ZNF175: variants seen among roughly 807,000 people sequenced by gnomAD.
The protein encoded by ZNF175 is zinc finger protein OTK18.
In ZNF175, 8 loss-of-function variants were observed where a neutral mutation model predicts 14.0. That is an observed-to-expected ratio of 0.57 (90% CI 0.34 to 1.03). ZNF175 has a LOEUF of 1.03. ZNF175 is among the 50% of genes least tolerant of loss of function. ZNF175 has a pLI of 0.03. For missense variants in ZNF175, 764 were observed against 849.5 expected (o/e 0.90, Z 1.25); for synonymous variants, 255 against 296.8 (o/e 0.86, Z 1.45).
chr19:51,573,501 C>A, intron 2 of ZNF175, 100 bp downstream of exon 2: 1 of 1,186,724 alleles, frequency 8.4e-7, no homozygotes, highest in South Asian at 1.3e-5. Flanking sequence ...TCTTGAGCCT[C>A]CTGTCAAGCG....
At position 51,589,064 on chromosome 19, in the gene ZNF175, G is replaced by T; in HGVS notation, c.*597G>T. On this transcript the variant is annotated 3_prime_UTR_variant, in exon 5 of 5. Transcript: ENST00000262259. ...TATTTGCATTATATTTATTGGTTGA[G>T]CATCCCTAATCTGAAAATCCAAGAT... 4.4e-6 allele frequency: 1 copy of T among 227,872 alleles called. No individual in the cohort carries two copies. The highest frequency in any genetic ancestry group is 2.2e-5 in the African/African-American group (1 of 44,774). The allele number at this position is 227,872 out of a possible 1,614,324, so 14.1% of individuals were successfully genotyped here.
intron 3 of ZNF175, 54 bp downstream of exon 3, chr19:51,581,571 T>G (rs1982004294): frequency 1.9e-6 from 3 of 1,580,432 alleles, no homozygotes; most frequent in Non-Finnish European, 2.6e-6. Flanking sequence ...GAGATTTCCT[T>G]CCTCCTCATT....
chr19:51,588,403 C>G lies in ZNF175; in HGVS notation c.2072C>G (p.Thr691Arg), dbSNP rs765324309. 1 of 1,601,948 alleles carries G rather than the reference C, an allele frequency of 6.2e-7. No individual in the cohort carries two copies. Among genetic ancestry groups the G allele is most frequent in the South Asian group, 1.1e-5 (1 of 88,632 alleles). Residue 691 changes from threonine to arginine, a missense_variant, in exon 5 of 5, where the codon ACA becomes AGA. Physicochemically the swap from Thr to Arg is moderately conservative, Grantham distance 71. Transcript: ENST00000262259. ...NNRSNFNKHQ[T>R]THTRDKSYKC... ...AGGTCAAACTTCAATAAACACCAAA[C>G]AACTCATACCAGAGACAAATCTTAC...
chr19:51,579,431 T>A (rs4802814), intron 2 of ZNF175, among the ~76,000 whole-genome samples: 22,344 of 146,546 alleles, frequency 0.15, 1,847 homozygotes, highest in Middle Eastern at 0.23. Context: ...CCAAAAAAAA[T>A]TTTTTTTTTT....
intron 2 of ZNF175, among the ~76,000 whole-genome samples, chr19:51,580,403 T>C (rs901008545): frequency 1.3e-5 from 2 of 152,224 alleles, no homozygotes; most frequent in South Asian, 4.1e-4. Flanking sequence ...CCCATCAGTC[T>C]TTCATATGGT....
chr19:51,585,079 C>T (rs1982123600), intron 4 of ZNF175, among the ~76,000 whole-genome samples: 1 of 152,184 alleles, frequency 6.6e-6, no homozygotes, highest in East Asian at 1.9e-4. Flanking sequence ...TGGAATTGTC[C>T]ATTGACCAAT....
Position 51,589,896 on chromosome 19 carries a change from T to A in ZNF175, c.*1429T>A, listed in dbSNP as rs74520240. 5 of 308,998 alleles carry A rather than the reference T, an allele frequency of 1.6e-5. No individual in the cohort carries two copies. The highest frequency in any genetic ancestry group is 9.7e-4 in the Middle Eastern group (1 of 1,030). 19.1% of individuals were successfully genotyped at this position (308,998 alleles called of 1,614,324 possible). A position where few individuals can be genotyped will look rare whatever the true frequency, so the allele number is the denominator to read the frequency against. Reference sequence around the variant, plus strand: ...TGATACACACACAAACACACACACATACACACATATTACTATGTTCATCAT... The same window carrying A: ...TGATACACACACAAACACACACACAAACACACATATTACTATGTTCATCAT... On this transcript the variant is annotated 3_prime_UTR_variant, in exon 5 of 5. Coordinates refer to ENST00000262259, the MANE Select transcript of ZNF175 (RefSeq NM_007147.4).
At position 51,588,313 on chromosome 19, in the gene ZNF175, A is replaced by G; in HGVS notation, c.1982A>G (p.His661Arg). 1 of 1,614,214 alleles carries G rather than the reference A, an allele frequency of 6.2e-7. No homozygotes were observed. The highest frequency in any genetic ancestry group is 8.5e-7 in the Non-Finnish European group (1 of 1,180,036). ...AGTAAGAAACCACAACTCAAGGTGCATCAGCGAATTCACACGGGAGAAAGA... is the reference window on the plus strand; with the variant it reads ...AGTAAGAAACCACAACTCAAGGTGCGTCAGCGAATTCACACGGGAGAAAGA... ...SFSKKPQLKV[H>R]QRIHTGERPY... Residue 661 changes from histidine to arginine, a missense_variant, in exon 5 of 5, where the codon CAT becomes CGT. His to Arg is a conservative substitution (Grantham distance 29). Transcript: ENST00000262259.
intron 4 of ZNF175, among the ~76,000 whole-genome samples, chr19:51,586,303 T>C (rs940893222): frequency 3.3e-5 from 5 of 152,168 alleles, no homozygotes; most frequent in African/African-American, 1.2e-4. Context: ...ATTAGCAAAG[T>C]GATCTTGGCC....
At position 51,591,993 on chromosome 19, in the gene ZNF175, C is replaced by T. The variant is rs1001360425; in HGVS notation, c.*3526C>T. 1 of 152,032 alleles carries T rather than the reference C, an allele frequency of 6.6e-6. No individual in the cohort carries two copies. Among genetic ancestry groups the T allele is most frequent in the Non-Finnish European group, 1.5e-5 (1 of 68,014 alleles). The allele number at this position is 152,032 out of a possible 1,614,324, so 9.4% of individuals were successfully genotyped here. ...CCGTGTTGGCCAGGATGGTCTCGAT[C>T]TCCTGACCTCGTGATCCCCCCCCCT... On this transcript the variant is annotated 3_prime_UTR_variant, in exon 5 of 5. Coordinates refer to ENST00000262259, the MANE Select transcript of ZNF175 (RefSeq NM_007147.4).
rs1312598295 is a variant in ZNF175, at chr19:51,590,217, G to A, written c.*1750G>A. 1 of 152,372 alleles carries A rather than the reference G, an allele frequency of 6.6e-6. No homozygotes were observed. Among genetic ancestry groups the A allele is most frequent in the Non-Finnish European group, 1.5e-5 (1 of 68,248 alleles). 9.4% of individuals were successfully genotyped at this position (152,372 alleles called of 1,614,324 possible). ...AGCCAGGTTCCTGCATTTGATTCCTGGCTCCACTCTCTACCCTCTGCATCT... is the reference window on the plus strand; with the variant it reads ...AGCCAGGTTCCTGCATTTGATTCCTAGCTCCACTCTCTACCCTCTGCATCT... On this transcript the variant is annotated 3_prime_UTR_variant, in exon 5 of 5. Coordinates refer to ENST00000262259, the MANE Select transcript of ZNF175 (RefSeq NM_007147.4).
At position 51,587,163 on chromosome 19, in the gene ZNF175, C is replaced by A. The variant is rs1194439875; in HGVS notation, c.832C>A (p.Pro278Thr). 15 of 1,614,004 alleles carry A rather than the reference C, an allele frequency of 9.3e-6. No homozygotes were observed. Among genetic ancestry groups the A allele is most frequent in the African/African-American group, 1.3e-5 (1 of 74,920 alleles). The change falls in exon 5 of 5, where the codon CCA becomes ACA. Residue 278 changes from proline to threonine, a missense_variant. Pro to Thr is a conservative substitution (Grantham distance 38). Transcript: ENST00000262259. ...KQHQIHTQKKPDGCSECGGSF... is the reference protein window; with the variant it reads ...KQHQIHTQKKTDGCSECGGSF... ...ACATCAAATTCATACTCAGAAGAAA[C>A]CAGATGGATGTTCTGAATGTGGGGG...
intron 2 of ZNF175, 106 bp from the exon 3 acceptor site, chr19:51,581,285 T>A: frequency 6.5e-7 from 1 of 1,532,884 alleles, no homozygotes; most frequent in East Asian, 2.3e-5. Flanking sequence ...GAAGCCTCTG[T>A]GATGGATCGT....
At position 51,588,168 on chromosome 19, in the gene ZNF175, A is replaced by G; in HGVS notation, c.1837A>G (p.Arg613Gly). The G allele has an allele frequency of 2.5e-6, 4 of 1,614,200 alleles. No individual in the cohort carries two copies. Among genetic ancestry groups the G allele is most frequent in the Non-Finnish European group, 3.4e-6 (4 of 1,180,022 alleles). The change falls in exon 5 of 5, where the codon AGG becomes GGG. Residue 613 changes from arginine (R) to glycine (G), a missense_variant. Arg to Gly is a moderately radical substitution (Grantham distance 125, BLOSUM62 -2). Coordinates refer to ENST00000262259, the MANE Select transcript of ZNF175 (RefSeq NM_007147.4). Reference protein sequence around the residue: ...HKHQITHTRERPFVCYKCGKA... With the variant: ...HKHQITHTREGPFVCYKCGKA... ...ACATCAAATAACTCACACTAGAGAG[A>G]GGCCTTTTGTCTGTTACAAATGTGG...
At chr19:51,575,891 A>G (rs1313979612) in intron 2 of ZNF175, among the ~76,000 whole-genome samples, 2 of 152,200 alleles carry the variant, frequency 1.3e-5, no homozygotes, top group Non-Finnish European at 2.9e-5. Flanking sequence ...TCAGATTCTG[A>G]TCAGGTCAAT....
chr19:51,575,360 G>A (rs1302143747), intron 2 of ZNF175, among the ~76,000 whole-genome samples: 2 of 151,954 alleles, frequency 1.3e-5, no homozygotes, highest in Non-Finnish European at 2.9e-5. Flanking sequence ...GGGAGTACAG[G>A]CGCCTGACAG....
In ZNF175 at chr19:51,587,367, C is replaced by T; in HGVS notation, c.1036C>T (p.Gln346Ter). Reference protein sequence around the residue: ...ICKECGKVFIQRSELLTHQKT... With the variant: ...ICKECGKVFI ...CAAGGAATGTGGGAAGGTCTTTATT[C>T]AGAGATCAGAATTGCTTACGCACCA... Residue 346 changes from glutamine to a stop codon, truncating the protein, a stop_gained, in exon 5 of 5, where the codon CAG (glutamine) becomes TAG (stop). Coordinates refer to ENST00000262259, the MANE Select transcript of ZNF175 (RefSeq NM_007147.4). LOFTEE classifies it low-confidence loss of function (END_TRUNC). 1.2e-6 allele frequency: 2 copies of T among 1,614,044 alleles called. No individual in the cohort carries two copies. The highest frequency in any genetic ancestry group is 1.7e-6 in the Non-Finnish European group (2 of 1,179,976).
In ZNF175 at chr19:51,589,268, G is replaced by GCGTA. The variant is rs1982278805; in HGVS notation, c.*802_*805dup. The GCGTA allele has an allele frequency of 2.8e-6, 1 of 358,776 alleles. No individual in the cohort carries two copies. Among genetic ancestry groups the GCGTA allele is most frequent in the African/African-American group, 2.8e-5 (1 of 35,184 alleles). The allele number at this position is 358,776 out of a possible 1,614,324, so 22.2% of individuals were successfully genotyped here. On this transcript the variant is annotated 3_prime_UTR_variant, in exon 5 of 5. Coordinates refer to ENST00000262259, the MANE Select transcript of ZNF175 (RefSeq NM_007147.4). ...GTCTGGTCAGCATATGTGTATGTATGCGTATGTATGTATGTATGTATGCCC... is the reference window on the plus strand; with the variant it reads ...GTCTGGTCAGCATATGTGTATGTATGCGTACGTATGTATGTATGTATGTATGCCC...
intron 4 of ZNF175, among the ~76,000 whole-genome samples, chr19:51,586,196 CA>C (rs1284796991): frequency 1.3e-5 from 2 of 152,276 alleles, no homozygotes; most frequent in Non-Finnish European, 2.9e-5. Context: ...TGTTGCCCTG[CA>C]ACACTTGTCT....
Sources: gnomAD v4.1 joint callset for allele counts (sites outside exome capture counted in the v4.1 genomes callset) on GRCh38, gnomAD v4.1.1 for gene constraint, MANE v1.5 for transcripts, NCBI Gene and HGNC (gene_info 2026-07-23, HGNC 2026-07-21) for gene names.